EPHA4: variants seen among roughly 807,000 people sequenced by gnomAD.
The protein encoded by EPHA4 is ephrin type-A receptor 4.
A neutral mutation model predicts 108.3 loss-of-function variants in EPHA4; 19 were observed. That is an observed-to-expected ratio of 0.18 (90% CI 0.12 to 0.26). The LOEUF (loss-of-function observed/expected upper bound fraction) is 0.26, where lower values mean the gene tolerates loss of function less well. EPHA4 is among the 10% of genes least tolerant of loss of function. The pLI is 1.00. For missense variants in EPHA4, 917 were observed against 1,254.0 expected (o/e 0.73, Z 4.06); for synonymous variants, 449 against 455.5 (o/e 0.99, Z 0.18).
intron 17 of EPHA4, among the ~76,000 whole-genome samples, chr2:221,422,702 A>G (rs909571137): frequency 6.6e-6 from 1 of 152,204 alleles, no homozygotes; most frequent in Non-Finnish European, 1.5e-5. Flanking sequence ...CAGACAAAGC[A>G]TGTGGTCTAT....
chr2:221,425,904 T>G lies in EPHA4; in HGVS notation c.*124A>C, dbSNP rs554124440. ...GCACCAAGCAACGCTGCAGATATTGTTTTTTTTTTTCATTTCTTTAATTTC... is the reference window on the plus strand; with the variant it reads ...GCACCAAGCAACGCTGCAGATATTGGTTTTTTTTTTCATTTCTTTAATTTC... On this transcript the variant is annotated 3_prime_UTR_variant, in exon 17 of 18. Transcript: ENST00000281821. 34 of 617,024 alleles carry G rather than the reference T, an allele frequency of 5.5e-5. No homozygotes were observed. Among genetic ancestry groups the G allele is most frequent in the Admixed American group, 1.1e-4 (4 of 35,538 alleles). 38.2% of individuals were successfully genotyped at this position (617,024 alleles called of 1,614,324 possible). A position where few individuals can be genotyped will look rare whatever the true frequency, so the allele number is the denominator to read the frequency against.
chr2:221,517,209 A>G (rs1693015594), intron 3 of EPHA4, among the ~76,000 whole-genome samples: 1 of 152,188 alleles, frequency 6.6e-6, no homozygotes, highest in South Asian at 2.1e-4. Flanking sequence ...ATAAAGGGCC[A>G]GCAATTGTGA....
intron 6 of EPHA4, among the ~76,000 whole-genome samples, chr2:221,457,530 A>T (rs1690996050): frequency 6.6e-6 from 1 of 152,258 alleles, no homozygotes; most frequent in Non-Finnish European, 1.5e-5. Flanking sequence ...GATTTCCATT[A>T]CTAGAAAGTA....
chr2:221,463,782 T>C (rs1164268004), intron 5 of EPHA4, among the ~76,000 whole-genome samples: 1 of 152,014 alleles, frequency 6.6e-6, no homozygotes, highest in Admixed American at 6.6e-5. Context: ...GACACCCAAA[T>C]GGGATGGAGA....
At chr2:221,552,528 C>G (rs770425458) in intron 3 of EPHA4, among the ~76,000 whole-genome samples, 1 of 152,142 alleles carries the variant, frequency 6.6e-6, no homozygotes, top group Non-Finnish European at 1.5e-5. Flanking sequence ...TGGAAGAGTG[C>G]GAGGAGGGTA....
chr2:221,554,107 G>T (rs2106201012), intron 3 of EPHA4, among the ~76,000 whole-genome samples: 1 of 152,348 alleles, frequency 6.6e-6, no homozygotes, highest in African/African-American at 2.4e-5. Context: ...AGAAACAAGA[G>T]CCAGATAAGC....
intron 3 of EPHA4, among the ~76,000 whole-genome samples, chr2:221,552,972 T>C (rs1694204093): frequency 6.6e-6 from 1 of 152,208 alleles, no homozygotes; most frequent in Non-Finnish European, 1.5e-5. Flanking sequence ...CCATAAGTGA[T>C]GAAAATGGAA....
chr2:221,508,301 G>A (rs932776763), intron 3 of EPHA4, among the ~76,000 whole-genome samples: 6 of 152,162 alleles, frequency 3.9e-5, no homozygotes, highest in African/African-American at 9.6e-5. Context: ...GTTTGAGGCC[G>A]GGCGTGGTGG....
At chr2:221,526,322 C>A (rs1435171296) in intron 3 of EPHA4, among the ~76,000 whole-genome samples, 1 of 152,108 alleles carries the variant, frequency 6.6e-6, no homozygotes, top group Non-Finnish European at 1.5e-5. Flanking sequence ...GAAACTGGGG[C>A]ATATACAGTT....
At chr2:221,458,345 C>A (rs1691027430) in intron 5 of EPHA4, among the ~76,000 whole-genome samples, 1 of 152,154 alleles carries the variant, frequency 6.6e-6, no homozygotes, top group African/African-American at 2.4e-5. Context: ...TGGAAGACCT[C>A]ATTTTAAGCT....
At chr2:221,500,942 G>C in intron 4 of EPHA4, 75 bp downstream of exon 4, 6 of 1,410,076 alleles carry the variant, frequency 4.3e-6, no homozygotes, top group Non-Finnish European at 5.7e-6. Context: ...CCCAGGAGAA[G>C]ACCTGGCAGT....
At chr2:221,550,165 C>G (rs1056143437) in intron 3 of EPHA4, among the ~76,000 whole-genome samples, 1 of 152,124 alleles carries the variant, frequency 6.6e-6, no homozygotes, top group African/African-American at 2.4e-5. Flanking sequence ...ATTTGAAAAG[C>G]AACTGAACAA....
Position 221,505,001 on chromosome 2 carries a change from C to T in EPHA4, c.824-3829G>A, listed in dbSNP as rs371223357. ...GGGCTGGTCCCAACTTCTATTTGTTCCCCCAGCCCATCCTCTTGCTGCCTT... is the reference window on the plus strand; with the variant it reads ...GGGCTGGTCCCAACTTCTATTTGTTTCCCCAGCCCATCCTCTTGCTGCCTT... On this transcript the variant is annotated intron_variant, in intron 3 of 17. Transcript: ENST00000281821. 4.6e-5 allele frequency among the ~76,000 whole-genome samples: 7 copies of T among 152,224 alleles called. 1 individual carries two copies. The East Asian group carries it at 1.2e-3, about 25-fold the overall frequency.
chr2:221,536,681 A>G (rs985240823), intron 3 of EPHA4, among the ~76,000 whole-genome samples: 1 of 152,236 alleles, frequency 6.6e-6, no homozygotes, highest in African/African-American at 2.4e-5. Flanking sequence ...TGATTGAAAC[A>G]TAATGTGAGA....
At position 221,482,516 on chromosome 2, in the gene EPHA4, T is replaced by C. The variant is rs773586125; in HGVS notation, c.1154A>G (p.His385Arg). ...CAAGCCATTCTGCTGTGGGGTGTAG[T>C]GGACCCCACTTCCACAGGGTCGGCA... ...SKCRPCGSGV[H>R]YTPQQNGLKT... Residue 385 changes from histidine to arginine, a missense_variant, in exon 5 of 18, where the codon CAC (histidine) becomes CGC (arginine). Transcript: ENST00000281821. 14 of 1,614,106 alleles carry C rather than the reference T, an allele frequency of 8.7e-6. No individual in the cohort carries two copies. The highest frequency in any genetic ancestry group is 1.1e-5 in the Non-Finnish European group (13 of 1,179,984).
chr2:221,502,220 C>A (rs1056679503), intron 3 of EPHA4, among the ~76,000 whole-genome samples: 2 of 152,092 alleles, frequency 1.3e-5, no homozygotes, highest in Admixed American at 1.3e-4. Flanking sequence ...TCCCCCATGG[C>A]CTTTCATGAT....
rs755335356 is a variant in EPHA4 at position 221,429,994 on chromosome 2, G to A, written c.2654C>T (p.Pro885Leu). The part of the protein sequence containing the change: ...VNMLDKLIRN[P>L]NSLKRTGTES... ...CGTCCCTGTCCTCTTCAAGCTGTTGGGGTTGCGGATGAGTTTGTCCAACAT... is the reference window on the plus strand; with the variant it reads ...CGTCCCTGTCCTCTTCAAGCTGTTGAGGTTGCGGATGAGTTTGTCCAACAT... Residue 885 changes from proline to leucine, a missense_variant, in exon 15 of 18, where the codon CCC (proline) becomes CTC (leucine). Coordinates refer to ENST00000281821, the MANE Select transcript of EPHA4 (RefSeq NM_004438.5). The A allele has an allele frequency of 1.9e-5, 31 of 1,613,762 alleles. No homozygotes were observed. Among genetic ancestry groups the A allele is most frequent in the Admixed American group, 5.0e-5 (3 of 59,958 alleles).
At chr2:221,528,594 A>G (rs1693413217) in intron 3 of EPHA4, among the ~76,000 whole-genome samples, 1 of 152,144 alleles carries the variant, frequency 6.6e-6, no homozygotes, top group South Asian at 2.1e-4. Flanking sequence ...ACCTCATTTA[A>G]TTAACTGAAT....
chr2:221,566,796 G>C (rs566450461), intron 2 of EPHA4, among the ~76,000 whole-genome samples: 10 of 147,710 alleles, frequency 6.8e-5, no homozygotes, highest in African/African-American at 2.3e-4. Flanking sequence ...AGGAGAAGAA[G>C]AAGAGGGAGA....
Sources: allele counts gnomAD v4.1 joint callset (sites outside exome capture counted in the v4.1 genomes callset), GRCh38; gene constraint gnomAD v4.1.1; transcripts MANE v1.5; gene names NCBI Gene and HGNC (gene_info 2026-07-23, HGNC 2026-07-21).